Variants in GNG12 observed in about 807,000 individuals in gnomAD.
The protein encoded by GNG12 is G protein subunit gamma 12.
For missense variants in GNG12, 69 were observed against 83.8 expected (o/e 0.82, Z 0.69); for synonymous variants, 28 against 29.7 (o/e 0.94, Z 0.19).
chr1:67,726,718 A>G (rs1320036198), intron 2 of GNG12, among the ~76,000 whole-genome samples: 2 of 152,256 alleles, frequency 1.3e-5, no homozygotes, highest in African/African-American at 4.8e-5. Flanking sequence ...ACTGTAATGC[A>G]CATCTCTAAA....
Position 67,816,280 on chromosome 1 carries a change from G to A in GNG12, c.-77+17064C>T, listed in dbSNP as rs896224661. On this transcript the variant is annotated intron_variant, in intron 1 of 3. Transcript: ENST00000370982. ...ACCCTAATGAAGATTACAGCCGACCGTAGTAACTGGAGCATAGAGCGTGCT... is the reference window on the plus strand; with the variant it reads ...ACCCTAATGAAGATTACAGCCGACCATAGTAACTGGAGCATAGAGCGTGCT... Among the ~76,000 whole-genome samples the A allele has an allele frequency of 2.6e-5, 4 of 152,248 alleles. No individual in the cohort carries two copies. In the South Asian group the frequency reaches 8.3e-4, roughly 32 times the overall value.
At chr1:67,747,124 G>C (rs1383467245) in intron 2 of GNG12, among the ~76,000 whole-genome samples, 1 of 152,040 alleles carries the variant, frequency 6.6e-6, no homozygotes, top group Non-Finnish European at 1.5e-5. Context: ...GAATCTTTTT[G>C]TTTGTTTGTT....
At position 67,769,218 on chromosome 1, in the gene GNG12, G is replaced by A. The variant is rs76915440; in HGVS notation, c.-27+8240C>T. On this transcript the variant is annotated intron_variant, in intron 2 of 3. Transcript: ENST00000370982. The stretch of plus-strand genomic sequence containing the variant: ...CATGTGTCACTTGCTCATTTGAGAC[G>A]CTGGCTTCACCATGGGTTGGGGGGT... Among the ~76,000 whole-genome samples the A allele has an allele frequency of 2.6e-5, 4 of 152,204 alleles. No homozygotes were observed. In the East Asian group the frequency reaches 7.7e-4, roughly 29 times the overall value.
chr1:67,820,960 T>C (rs890985310), intron 1 of GNG12, among the ~76,000 whole-genome samples: 2 of 152,244 alleles, frequency 1.3e-5, no homozygotes, highest in African/African-American at 4.8e-5. Context: ...ATGATGTCAA[T>C]TATAACAACA....
At chr1:67,727,141 T>A (rs573234897) in intron 2 of GNG12, among the ~76,000 whole-genome samples, 9 of 152,318 alleles carry the variant, frequency 5.9e-5, no homozygotes, top group African/African-American at 2.2e-4. Context: ...TTAAAGCAAA[T>A]CCTAACAGGT....
intron 2 of GNG12, among the ~76,000 whole-genome samples, chr1:67,714,375 C>A (rs1003072376): frequency 1.3e-5 from 2 of 152,206 alleles, no homozygotes; most frequent in Admixed American, 6.5e-5. Context: ...CGTCCTGCCA[C>A]TTCCCAGATC....
At chr1:67,749,694 G>C (rs1646527470) in intron 2 of GNG12, among the ~76,000 whole-genome samples, 1 of 152,146 alleles carries the variant, frequency 6.6e-6, no homozygotes, top group African/African-American at 2.4e-5. Context: ...GCCTCACCTG[G>C]CAAGGCAGCC....
At chr1:67,723,868 G>C (rs567295854) in intron 2 of GNG12, among the ~76,000 whole-genome samples, 9 of 152,306 alleles carry the variant, frequency 5.9e-5, no homozygotes, top group African/African-American at 2.2e-4. Context: ...AGGGGGAGGA[G>C]TTATTAGTCA....
At chr1:67,796,939 C>G (rs1646834636) in intron 1 of GNG12, among the ~76,000 whole-genome samples, 1 of 152,162 alleles carries the variant, frequency 6.6e-6, no homozygotes, top group African/African-American at 2.4e-5. Context: ...CTTGGTGAGC[C>G]AGACAGCAAG....
intron 1 of GNG12, among the ~76,000 whole-genome samples, chr1:67,794,844 T>C (rs891087057): frequency 6.6e-6 from 1 of 152,216 alleles, no homozygotes; most frequent in Non-Finnish European, 1.5e-5. Context: ...TCCAGAGTGG[T>C]CGCTCCATCC....
rs1646227344 is a variant in GNG12 at position 67,703,527 on chromosome 1, A to G, written c.*1924T>C. The G allele has an allele frequency of 1.3e-5, 2 of 152,252 alleles. No individual in the cohort carries two copies. Among genetic ancestry groups the G allele is most frequent in the African/African-American group, 4.8e-5 (2 of 41,464 alleles). 9.4% of individuals were successfully genotyped at this position (152,252 alleles called of 1,614,324 possible). A position where few individuals can be genotyped will look rare whatever the true frequency, so the allele number is the denominator to read the frequency against. Reference sequence around the variant, plus strand: ...TTATAAAAAAAAGAATGTCTCATTAAGTGAAGCATTAAATGTAAAGTTGTC... The same window carrying G: ...TTATAAAAAAAAGAATGTCTCATTAGGTGAAGCATTAAATGTAAAGTTGTC... On this transcript the variant is annotated 3_prime_UTR_variant, in exon 4 of 4. Coordinates refer to ENST00000370982, the MANE Select transcript of GNG12 (RefSeq NM_018841.6).
At chr1:67,777,162 G>C (rs1029502988) in intron 2 of GNG12, 1 of 152,114 alleles carries the variant, frequency 6.6e-6, no homozygotes, top group African/African-American at 2.4e-5. Flanking sequence ...TGTTGTTTTG[G>C]ATACTCCCAT....
At chr1:67,747,715 C>T (rs1403550969) in intron 2 of GNG12, among the ~76,000 whole-genome samples, 1 of 152,194 alleles carries the variant, frequency 6.6e-6, no homozygotes, top group African/African-American at 2.4e-5. Context: ...TACATGTGAA[C>T]TTTAGCAACA....
chr1:67,739,724 C>T (rs546144495), intron 2 of GNG12, among the ~76,000 whole-genome samples: 1 of 152,294 alleles, frequency 6.6e-6, no homozygotes, highest in Non-Finnish European at 1.5e-5. Context: ...CTTACTCCTA[C>T]AAACCAGAGC....
intron 2 of GNG12, among the ~76,000 whole-genome samples, chr1:67,708,167 T>A (rs1646261053): frequency 6.6e-6 from 1 of 152,230 alleles, no homozygotes; most frequent in Admixed American, 6.5e-5. Flanking sequence ...ACTATTAGGC[T>A]GATCAAAGAC....
chr1:67,801,475 T>C (rs760170636), intron 1 of GNG12, among the ~76,000 whole-genome samples: 13 of 152,284 alleles, frequency 8.5e-5, no homozygotes, highest in South Asian at 2.1e-4. Context: ...TTCAAAGTGA[T>C]AGAAACTCAG....
At chr1:67,814,175 ATAAAG>A (rs966734223) in intron 1 of GNG12, among the ~76,000 whole-genome samples, 3 of 152,172 alleles carry the variant, frequency 2.0e-5, no homozygotes, top group Non-Finnish European at 4.4e-5. Context: ...ACAGAAACAC[ATAAAG>A]TAAACAAAAA....
chr1:67,828,735 C>T (rs1391005583), intron 1 of GNG12, among the ~76,000 whole-genome samples: 1 of 152,180 alleles, frequency 6.6e-6, no homozygotes, highest in African/African-American at 2.4e-5. Context: ...TCACAACTTC[C>T]ATAAAGTCAA....
At chr1:67,780,119 T>C (rs1228845769) in intron 1 of GNG12, among the ~76,000 whole-genome samples, 6 of 152,216 alleles carry the variant, frequency 3.9e-5, no homozygotes, top group Admixed American at 2.0e-4. Context: ...GACTGTACTA[T>C]TGGTAATATT....
Sources: allele counts gnomAD v4.1 joint callset (sites outside exome capture counted in the v4.1 genomes callset), GRCh38; gene constraint gnomAD v4.1.1; transcripts MANE v1.5; gene names NCBI Gene and HGNC (gene_info 2026-07-23, HGNC 2026-07-21).